Variants in MRC2 observed in about 807,000 individuals in gnomAD.
MRC2 encodes mannose receptor C-type 2, also known as C-type mannose receptor 2.
MRC2 carries 84 observed loss-of-function variants against 206.2 expected under a neutral mutation model. The observed-to-expected ratio is 0.41, with a 90% confidence interval of 0.34 to 0.49. The LOEUF (loss-of-function observed/expected upper bound fraction) is 0.49, where lower values mean the gene tolerates loss of function less well. Ranked by LOEUF, MRC2 falls within the 20% of genes least tolerant of loss-of-function variation. The pLI is 0.31. For synonymous variants in MRC2, 798 were observed against 800.0 expected (o/e 1.00, Z 0.04); for missense variants, 1,676 against 2,001.5 (o/e 0.84, Z 3.10).
rs2089119841 is a variant in MRC2 at position 62,692,190 on chromosome 17, C to T, written c.4220-41C>T. 4 of 1,613,798 alleles carry T rather than the reference C, an allele frequency of 2.5e-6. No homozygotes were observed. Among genetic ancestry groups the T allele is most frequent in the South Asian group, 2.2e-5 (2 of 91,034 alleles). On this transcript the variant is annotated intron_variant, in intron 29 of 29. Transcript: ENST00000303375. This position sits in a 1 kb window ranked among gnomAD's most constrained non-coding sequence, Gnocchi z 4.2. ...GGGCAGGCAGGAAGCACTGCTGGGC[C>T]TAACGCCCACTTGGCCTTTCACGCC...
At chr17:62,673,925 C>A in intron 8 of MRC2, 138 bp from the exon 9 acceptor site, 1 of 698,108 alleles carries the variant, frequency 1.4e-6, no homozygotes, top group Non-Finnish European at 2.4e-6. Context: ...TTCCCCATTG[C>A]ACAGCTGGGA....
chr17:62,678,454 AG>A, intron 12 of MRC2, 49 bp from the exon 13 acceptor site: 1 of 1,588,450 alleles, frequency 6.3e-7, no homozygotes, highest in Non-Finnish European at 8.5e-7. Flanking sequence ...GTGCCCCCTG[AG>A]GGGTGGGCCA....
In MRC2 at chr17:62,664,918, C is replaced by T. The variant is rs2302242; in HGVS notation, c.489C>T (p.Ser163=). The change falls in exon 2 of 30, where the codon AGC becomes AGT. Residue 163 remains serine (S), a synonymous_variant. Coordinates refer to ENST00000303375, the MANE Select transcript of MRC2 (RefSeq NM_006039.5). The surrounding 1 kb of genome is among the most constrained non-coding windows in gnomAD (Gnocchi z 4.7). The stretch of plus-strand genomic sequence containing the variant: ...GTGGCCAGTGGCGCATCTACGGCAG[C>T]GAGGAGGACCTATGTGCTCTGCCCT... The part of the protein sequence containing the change: ...TRSGQWRIYG[S]EEDLCALPYH... 0.016 allele frequency: 26,344 copies of T among 1,611,236 alleles called. 983 individuals are homozygous for T. Among genetic ancestry groups the T allele is most frequent in the East Asian group, 0.12 (5,530 of 44,860 alleles).
chr17:62,645,472 C>T (rs2088463672), intron 1 of MRC2, among the ~76,000 whole-genome samples: 3 of 128,168 alleles, frequency 2.3e-5, no homozygotes, highest in African/African-American at 2.9e-5. Context: ...TGTATATATA[C>T]ACATAATATG....
At chr17:62,644,745 C>A (rs1171583254) in intron 1 of MRC2, among the ~76,000 whole-genome samples, 1 of 152,078 alleles carries the variant, frequency 6.6e-6, no homozygotes, top group Non-Finnish European at 1.5e-5. Context: ...TCAGCACAGC[C>A]CGCAGATCCT....
intron 1 of MRC2, among the ~76,000 whole-genome samples, chr17:62,643,161 C>G (rs2088428146): frequency 6.6e-6 from 1 of 151,956 alleles, no homozygotes; most frequent in African/African-American, 2.4e-5. Flanking sequence ...AACCCTGTCT[C>G]TACTAAAAAT....
rs766481346 is a variant in MRC2 at position 62,689,901 on chromosome 17, G to A, written c.3581G>A (p.Arg1194Gln). The change falls in exon 25 of 30, where the codon CGG becomes CAG. Residue 1194 changes from arginine to glutamine, a missense_variant. Around this residue, in one of 3 missense-constraint regions of MRC2, gnomAD observed 1,354 missense variants for 1,636.6 expected, o/e 0.83. Transcript: ENST00000303375. ...WIGLAGEEGS[R>Q]RYSWVSEEPL... ...ATGGCCCCCCATGCCCAGGGCTCTC[G>A]GCGGTACTCCTGGGTCTCAGAGGAG... The A allele has an allele frequency of 2.6e-5, 42 of 1,593,806 alleles. No individual in the cohort carries two copies. Among genetic ancestry groups the A allele is most frequent in the South Asian group, 1.7e-4 (15 of 88,638 alleles).
chr17:62,627,910 C>T lies in MRC2; in HGVS notation c.108C>T (p.Ala36=), dbSNP rs1460695022. Residue 36 remains alanine (A), a synonymous_variant, in exon 1 of 30, where the codon GCC becomes GCT. Coordinates refer to ENST00000303375, the MANE Select transcript of MRC2 (RefSeq NM_006039.5). The part of the protein sequence containing the change: ...HLGRPGAPGD[A]ALPEPNVFLI... ...GCCGTCCCGGCGCCCCTGGGGACGC[C>T]GCCCTCCCGGGTAAGGCGCTGCCAA... is the stretch of plus-strand genomic sequence containing the variant. The T allele has an allele frequency of 2.1e-6, 3 of 1,460,710 alleles. No homozygotes were observed. The highest frequency in any genetic ancestry group is 2.7e-6 in the Non-Finnish European group (3 of 1,113,508). The allele number at this position is 1,460,710 out of a possible 1,614,324, so 90.5% of individuals were successfully genotyped here. A position where few individuals can be genotyped will look rare whatever the true frequency, so the allele number is the denominator to read the frequency against.
chr17:62,673,697 A>G (rs1335663530), intron 8 of MRC2, among the ~76,000 whole-genome samples: 1 of 152,048 alleles, frequency 6.6e-6, no homozygotes, highest in East Asian at 1.9e-4. Flanking sequence ...TTCAGTAGAG[A>G]TGGGGTTTCA....
At chr17:62,681,175 C>T in intron 18 of MRC2, 46 bp downstream of exon 18, 1 of 1,597,488 alleles carries the variant, frequency 6.3e-7, no homozygotes, top group Non-Finnish European at 8.5e-7. Context: ...GCTGGCTGTC[C>T]ACACACGGAG....
At position 62,681,940 on chromosome 17, in the gene MRC2, G is replaced by A. The variant is rs2088973151; in HGVS notation, c.2803+3G>A. ...CGTGTACATGACAGCCAGCCGAGGT[G>A]AGGGCAAGGTGGGGGCAGAGTGCGC... On this transcript the variant is annotated splice_donor_region_variant and intron_variant, in intron 19 of 29. Transcript: ENST00000303375. The A allele has an allele frequency of 1.9e-6, 3 of 1,612,992 alleles. No individual in the cohort carries two copies. Among genetic ancestry groups the A allele is most frequent in the South Asian group, 2.2e-5 (2 of 90,780 alleles).
At position 62,649,837 on chromosome 17, in the gene MRC2, TTTTTG is replaced by T. The variant is rs534221424; in HGVS notation, c.119-14701_119-14697del. On this transcript the variant is annotated intron_variant, in intron 1 of 29. Coordinates refer to ENST00000303375, the MANE Select transcript of MRC2 (RefSeq NM_006039.5). ...CCCCCCGCCCCACCGATACATACAT[TTTTTG>T]TTTTGTTTTATTTTGAAATAGATAC... is the stretch of plus-strand genomic sequence containing the variant. 2.4e-3 allele frequency among the ~76,000 whole-genome samples: 365 copies of T among 152,016 alleles called. 4 individuals are homozygous for T. The highest frequency in any genetic ancestry group is 3.5e-3 in the South Asian group (17 of 4,798).
At position 62,667,287 on chromosome 17, in the gene MRC2, CT is replaced by C; in HGVS notation, c.974-101del. ...ACCAGGCTTCCCGAACTGGCTCAGGCTTCCGAGGGAGCAGAGGGAGGTAGGA... is the reference window on the plus strand; with the variant it reads ...ACCAGGCTTCCCGAACTGGCTCAGGCTCCGAGGGAGCAGAGGGAGGTAGGA... On this transcript the variant is annotated intron_variant, in intron 5 of 29. Transcript: ENST00000303375. This position sits in a 1 kb window ranked among gnomAD's most constrained non-coding sequence, Gnocchi z 4.1. 7.0e-7 allele frequency: 1 copy of C among 1,436,154 alleles called. No individual in the cohort carries two copies. Among genetic ancestry groups the C allele is most frequent in the South Asian group, 1.5e-5 (1 of 68,516 alleles). 89.0% of individuals were successfully genotyped at this position (1,436,154 alleles called of 1,614,324 possible).
At chr17:62,679,129 C>A (rs1170344337) in intron 13 of MRC2, among the ~76,000 whole-genome samples, 1 of 152,220 alleles carries the variant, frequency 6.6e-6, no homozygotes, top group Admixed American at 6.5e-5. Context: ...CTGTCCTGGG[C>A]TCTGAGCATT....
rs1227352436 is a variant in MRC2, at chr17:62,667,283, C to T, written c.974-107C>T. 3 of 1,419,666 alleles carry T rather than the reference C, an allele frequency of 2.1e-6. No homozygotes were observed. Among genetic ancestry groups the T allele is most frequent in the East Asian group, 2.5e-5 (1 of 40,794 alleles). The allele number at this position is 1,419,666 out of a possible 1,614,324, so 87.9% of individuals were successfully genotyped here. On this transcript the variant is annotated intron_variant, in intron 5 of 29. Coordinates refer to ENST00000303375, the MANE Select transcript of MRC2 (RefSeq NM_006039.5). This position sits in a 1 kb window ranked among gnomAD's most constrained non-coding sequence, Gnocchi z 4.1. The stretch of plus-strand genomic sequence containing the variant: ...GAGCACCAGGCTTCCCGAACTGGCT[C>T]AGGCTTCCGAGGGAGCAGAGGGAGG...
Position 62,680,021 on chromosome 17 carries a change from G to T in MRC2, c.2298+119G>T. 1.3e-6 allele frequency: 2 copies of T among 1,485,852 alleles called. No individual in the cohort carries two copies. Among genetic ancestry groups the T allele is most frequent in the South Asian group, 1.3e-5 (1 of 77,466 alleles). 92.0% of individuals were successfully genotyped at this position (1,485,852 alleles called of 1,614,324 possible). On this transcript the variant is annotated intron_variant, in intron 14 of 29. Coordinates refer to ENST00000303375, the MANE Select transcript of MRC2 (RefSeq NM_006039.5). The surrounding 1 kb of genome is among the most constrained non-coding windows in gnomAD (Gnocchi z 4.8). The stretch of plus-strand genomic sequence containing the variant: ...GAGGGCCGGGCCCCCAGTCGGAGCC[G>T]GCTTCAGGAAAGCAGGTCCGAGAGG...
Position 62,688,496 on chromosome 17 carries a change from C to A in MRC2, c.3062-5C>A, listed in dbSNP as rs557789760. 42 of 1,614,196 alleles carry A rather than the reference C, an allele frequency of 2.6e-5. No individual in the cohort carries two copies. The East Asian group carries it at 8.9e-4, about 34-fold the overall frequency. On this transcript the variant is annotated splice_region_variant and splice_polypyrimidine_tract_variant and intron_variant, in intron 21 of 29. Transcript: ENST00000303375. ...TCACTCACAACTGTCTTCTGGGGACCATAGCATTCATCACAGCCAGCCTGC... is the reference window on the plus strand; with the variant it reads ...TCACTCACAACTGTCTTCTGGGGACAATAGCATTCATCACAGCCAGCCTGC...
Position 62,671,754 on chromosome 17 carries a change from A to C in MRC2, c.1223A>C (p.Lys408Thr), listed in dbSNP as rs771667707. Reference sequence around the variant, plus strand: ...AAGCGCAGCTGGCAGGAGTCCAAGAAGGCATGTCTACGGGGCGGTGGCGAC... The same window carrying C: ...AAGCGCAGCTGGCAGGAGTCCAAGACGGCATGTCTACGGGGCGGTGGCGAC... ...AEKRSWQESK[K>T]ACLRGGGDLV... Residue 408 changes from lysine to threonine, a missense_variant, in exon 7 of 30, where the codon AAG (lysine) becomes ACG (threonine). Transcript: ENST00000303375. This position sits in a 1 kb window ranked among gnomAD's most constrained non-coding sequence, Gnocchi z 4.5. 6.2e-7 allele frequency: 1 copy of C among 1,613,366 alleles called. No homozygotes were observed. Among genetic ancestry groups the C allele is most frequent in the Non-Finnish European group, 8.5e-7 (1 of 1,179,654 alleles).
chr17:62,673,001 A>AAT (rs1555678719), intron 8 of MRC2, among the ~76,000 whole-genome samples: 3 of 150,574 alleles, frequency 2.0e-5, no homozygotes, highest in African/African-American at 7.4e-5. Context: ...CAAAAAAAAA[A>AAT]AAATAAAATA....
Sources: allele counts gnomAD v4.1 joint callset (sites outside exome capture counted in the v4.1 genomes callset), GRCh38; gene constraint gnomAD v4.1.1; regional missense constraint gnomAD v4.1.1; non-coding constraint Gnocchi (gnomAD v3.1); transcripts MANE v1.5; gene names NCBI Gene and HGNC (gene_info 2026-07-23, HGNC 2026-07-21).